Variants in DLGAP1 observed in about 807,000 individuals in gnomAD.
DLGAP1 encodes DLG associated protein 1.
A neutral mutation model predicts 90.8 loss-of-function variants in DLGAP1; 11 were observed. That is an observed-to-expected ratio of 0.12 (90% CI 0.08 to 0.20). The LOEUF (loss-of-function observed/expected upper bound fraction) is 0.20. Among genes scored for constraint, DLGAP1 ranks in the 10% least tolerant of loss-of-function variants. The pLI, the probability that DLGAP1 is intolerant of heterozygous loss-of-function variation, is 1.00. For missense variants in DLGAP1, 1,050 were observed against 1,333.8 expected (o/e 0.79, Z 3.31); for synonymous variants, 558 against 540.7 (o/e 1.03, Z -0.44).
intron 1 of DLGAP1, among the ~76,000 whole-genome samples, chr18:4,266,506 G>C (rs556343513): frequency 6.6e-6 from 1 of 152,176 alleles, no homozygotes; most frequent in African/African-American, 2.4e-5. Flanking sequence ...AGAGCTGACT[G>C]GGGAGGACCT....
At chr18:4,206,406 A>C (rs1230451609) in intron 1 of DLGAP1, among the ~76,000 whole-genome samples, 1 of 152,138 alleles carries the variant, frequency 6.6e-6, no homozygotes, top group Admixed American at 6.5e-5. Flanking sequence ...CCAAACCTGC[A>C]AACAAGCAGT....
At chr18:3,865,470 G>C (rs537260588) in intron 4 of DLGAP1, among the ~76,000 whole-genome samples, 18 of 152,154 alleles carry the variant, frequency 1.2e-4, no homozygotes, top group Admixed American at 5.9e-4. Flanking sequence ...TATATTACTT[G>C]TTTTCAAACA....
chr18:3,523,643 C>G (rs13381019), intron 10 of DLGAP1, among the ~76,000 whole-genome samples: 2,106 of 151,774 alleles, frequency 0.014, 19 homozygotes, highest in South Asian at 0.028. Flanking sequence ...GTCAGGAGAT[C>G]GAGACCATCC....
chr18:3,880,565 T>C (rs1456223177), intron 3 of DLGAP1, among the ~76,000 whole-genome samples: 1 of 152,098 alleles, frequency 6.6e-6, no homozygotes, highest in Non-Finnish European at 1.5e-5. Flanking sequence ...GAACGCATTA[T>C]TGGAAGAGCT....
chr18:3,810,398 T>C (rs1297281171), intron 5 of DLGAP1, among the ~76,000 whole-genome samples: 1 of 152,206 alleles, frequency 6.6e-6, no homozygotes, highest in Admixed American at 6.5e-5. Flanking sequence ...GAGTGCCTTC[T>C]CTTCAACATT....
chr18:4,352,278 C>T (rs577104647), intron 1 of DLGAP1, among the ~76,000 whole-genome samples: 149 of 152,252 alleles, frequency 9.8e-4, no homozygotes, highest in African/African-American at 3.3e-3. Flanking sequence ...GCTGAGAACT[C>T]CAGCCTTTAG....
At chr18:4,226,283 C>T (rs1199250946) in intron 1 of DLGAP1, among the ~76,000 whole-genome samples, 1 of 151,976 alleles carries the variant, frequency 6.6e-6, no homozygotes, top group Non-Finnish European at 1.5e-5. Context: ...CCAGACCTGT[C>T]CTATAAGAAA....
rs535350242 is a variant in DLGAP1, at chr18:4,120,279, A to C, written c.-159+30901T>G. Among the ~76,000 whole-genome samples the C allele has an allele frequency of 2.0e-5, 3 of 152,328 alleles. No homozygotes were observed. In the South Asian group the frequency reaches 6.2e-4, roughly 32 times the overall value. Reference sequence around the variant, plus strand: ...CTAAATATATCAGAGTGCCCAATTAAATTTCTACAGGTCATCAGATGGCGT... The same window carrying C: ...CTAAATATATCAGAGTGCCCAATTACATTTCTACAGGTCATCAGATGGCGT... On this transcript the variant is annotated intron_variant, in intron 2 of 12. Transcript: ENST00000315677.
chr18:3,593,337 T>G (rs2056386809), intron 7 of DLGAP1, among the ~76,000 whole-genome samples: 5 of 152,158 alleles, frequency 3.3e-5, no homozygotes, highest in Admixed American at 3.3e-4. Flanking sequence ...AAAATGCACA[T>G]GGAAAAATCA....
At chr18:4,126,080 G>A (rs556093930) in intron 2 of DLGAP1, among the ~76,000 whole-genome samples, 1 of 152,312 alleles carries the variant, frequency 6.6e-6, no homozygotes, top group South Asian at 2.1e-4. Context: ...GCTCATAGAT[G>A]GAAGCTTGCA....
intron 4 of DLGAP1, among the ~76,000 whole-genome samples, chr18:3,833,960 A>G (rs1302268017): frequency 6.6e-6 from 1 of 152,248 alleles, no homozygotes; most frequent in African/African-American, 2.4e-5. Context: ...ATTTACCTAA[A>G]GACTGACTAT....
At chr18:3,564,338 G>A (rs947270598) in intron 9 of DLGAP1, among the ~76,000 whole-genome samples, 1 of 152,072 alleles carries the variant, frequency 6.6e-6, no homozygotes, top group African/African-American at 2.4e-5. Context: ...GGGATAAGGT[G>A]CCTGAAGGGG....
intron 2 of DLGAP1, among the ~76,000 whole-genome samples, chr18:4,049,984 A>G (rs1266444448): frequency 6.6e-6 from 1 of 151,990 alleles, no homozygotes; most frequent in Admixed American, 6.6e-5. Flanking sequence ...TCTTTCTCTC[A>G]TTTATTAGGA....
chr18:4,088,149 A>AT (rs1415750538), intron 2 of DLGAP1, among the ~76,000 whole-genome samples: 2 of 151,460 alleles, frequency 1.3e-5, no homozygotes, highest in South Asian at 2.1e-4. Context: ...TTAAATATGG[A>AT]TTTTTTCCTA....
chr18:3,556,489 C>T (rs1394995276), intron 9 of DLGAP1, among the ~76,000 whole-genome samples: 4 of 152,196 alleles, frequency 2.6e-5, no homozygotes, highest in Non-Finnish European at 5.9e-5. Context: ...CAGGGTGTCA[C>T]ATAGTTGGAA....
intron 3 of DLGAP1, among the ~76,000 whole-genome samples, chr18:3,933,451 TC>T (rs1284954131): frequency 6.6e-6 from 1 of 152,216 alleles, no homozygotes; most frequent in Non-Finnish European, 1.5e-5. Flanking sequence ...TTTCATAACC[TC>T]TTTGGTAATT....
intron 1 of DLGAP1, among the ~76,000 whole-genome samples, chr18:4,155,399 T>C (rs1429201380): frequency 6.6e-6 from 1 of 152,170 alleles, no homozygotes; most frequent in Non-Finnish European, 1.5e-5. Flanking sequence ...CCCTGCTACT[T>C]GGAACACATT....
At chr18:3,643,911 C>T (rs1029176830) in intron 7 of DLGAP1, among the ~76,000 whole-genome samples, 1 of 151,988 alleles carries the variant, frequency 6.6e-6, no homozygotes, top group Non-Finnish European at 1.5e-5. Context: ...CAGACTTTTG[C>T]CAATGAAAAA....
intron 7 of DLGAP1, among the ~76,000 whole-genome samples, chr18:3,721,143 G>A (rs886887499): frequency 1.3e-5 from 2 of 152,078 alleles, no homozygotes; most frequent in Non-Finnish European, 2.9e-5. Context: ...TTTCTAGTTT[G>A]TGTTTTCTGA....
Sources: gnomAD v4.1 joint callset for allele counts (sites outside exome capture counted in the v4.1 genomes callset) on GRCh38, gnomAD v4.1.1 for gene constraint, MANE v1.5 for transcripts, NCBI Gene and HGNC (gene_info 2026-07-23, HGNC 2026-07-21) for gene names.